Variants in PEX1 observed in about 807,000 individuals in gnomAD.
The protein encoded by PEX1 is peroxisomal biogenesis factor 1, also known as peroxisomal ATPase PEX1.
A neutral mutation model predicts 152.5 loss-of-function variants in PEX1; 97 were observed. The observed-to-expected ratio is 0.64, with a 90% CI of 0.54 to 0.75. The LOEUF (loss-of-function observed/expected upper bound fraction) is 0.75, where lower values mean the gene tolerates loss of function less well. PEX1 is among the 30% of genes least tolerant of loss of function. The pLI is 0.00. For synonymous variants in PEX1, 485 were observed against 531.6 expected (o/e 0.91, Z 1.21); for missense variants, 1,357 against 1,516.3 (o/e 0.89, Z 1.74).
chr7:92,516,287 C>T (rs993794428), intron 5 of PEX1, among the ~76,000 whole-genome samples: 4 of 149,678 alleles, frequency 2.7e-5, no homozygotes, highest in Admixed American at 6.7e-5. Context: ...ATTAGCCAGG[C>T]GTGGTGGTGC....
At chr7:92,506,517 A>T in intron 10 of PEX1, 173 bp from the exon 11 acceptor site, 1 of 607,456 alleles carries the variant, frequency 1.6e-6, no homozygotes, top group South Asian at 1.9e-5. Context: ...ATTTACACGG[A>T]TAGCAAAACC....
At chr7:92,521,983 T>C (rs939910441) in intron 2 of PEX1, 119 bp downstream of exon 2, 7 of 951,152 alleles carry the variant, frequency 7.4e-6, no homozygotes, top group Admixed American at 7.1e-5. Context: ...AGTTACATAA[T>C]AGCATACAAA....
At chr7:92,527,634 C>G (rs1216089916) in intron 1 of PEX1, among the ~76,000 whole-genome samples, 3 of 152,210 alleles carry the variant, frequency 2.0e-5, no homozygotes, top group Non-Finnish European at 4.4e-5. Context: ...TAAGTACACT[C>G]AAACTCGTGA....
chr7:92,509,808 A>G (rs1338760912), intron 8 of PEX1, among the ~76,000 whole-genome samples: 2 of 152,190 alleles, frequency 1.3e-5, no homozygotes, highest in African/African-American at 4.8e-5. Flanking sequence ...CTTCAATTTT[A>G]TGACAAGAAT....
In PEX1 at chr7:92,517,700, G is replaced by A; in HGVS notation, c.815C>T (p.Ala272Val). Residue 272 changes from alanine (A) to valine (V), a missense_variant, in exon 5 of 24, where the codon GCA (alanine) becomes GTA (valine). Coordinates refer to ENST00000248633, the MANE Select transcript of PEX1 (RefSeq NM_000466.3). ...AACCTTTGACTGCATATTTTTGAATGCATTGATTTCAGTTAAACCCCAAGA... is the reference window on the plus strand; with the variant it reads ...AACCTTTGACTGCATATTTTTGAATACATTGATTTCAGTTAAACCCCAAGA... ...ETSWGLTEIN[A>V]FKNMQSKVVP... is the part of the protein sequence containing the mutation. 3 of 1,613,334 alleles carry A rather than the reference G, an allele frequency of 1.9e-6. No individual in the cohort carries two copies. Among genetic ancestry groups the A allele is most frequent in the East Asian group, 2.2e-5 (1 of 44,864 alleles).
intron 15 of PEX1, among the ~76,000 whole-genome samples, chr7:92,501,221 G>A (rs1273454369): frequency 6.6e-6 from 1 of 152,176 alleles, no homozygotes; most frequent in Non-Finnish European, 1.5e-5. Context: ...CTACTGGGGA[G>A]GCTGAGGCAG....
chr7:92,521,784 T>G (rs1003897616), intron 2 of PEX1, among the ~76,000 whole-genome samples: 102 of 152,310 alleles, frequency 6.7e-4, no homozygotes, highest in African/African-American at 2.3e-3. Flanking sequence ...TTATAAAATA[T>G]GTCAGAAATA....
Position 92,503,140 on chromosome 7 carries a change from A to G in PEX1, c.2127T>C (p.Ile709=). 1 of 1,613,864 alleles carries G rather than the reference A, an allele frequency of 6.2e-7. No individual in the cohort carries two copies. Among genetic ancestry groups the G allele is most frequent in the Non-Finnish European group, 8.5e-7 (1 of 1,179,814 alleles). ...FISMGSLVAL[I]ATSQSQQSLH... is the part of the protein sequence containing the mutation. The stretch of plus-strand genomic sequence containing the variant: ...GAGATTGCTGAGACTGACTTGTGGC[A>G]ATCAGTGCAACCAAACTTCCCATGG... The change falls in exon 13 of 24, where the codon ATT becomes ATC. Residue 709 remains isoleucine (I), a synonymous_variant. Transcript: ENST00000248633.
intron 16 of PEX1, among the ~76,000 whole-genome samples, chr7:92,497,584 C>T (rs796443062): frequency 3.4e-4 from 51 of 151,952 alleles, no homozygotes; most frequent in African/African-American, 1.2e-3. Flanking sequence ...TTAAAAAAAA[C>T]CTGAATAGGT....
At chr7:92,504,945 G>A in intron 11 of PEX1, 43 bp from the exon 12 acceptor site, 1 of 1,455,552 alleles carries the variant, frequency 6.9e-7, no homozygotes, top group Non-Finnish European at 9.7e-7. Context: ...TCATTTCAGT[G>A]CTGGGAAAAT....
chr7:92,518,303 T>A, intron 3 of PEX1, 48 bp from the exon 4 acceptor site: 1 of 1,153,000 alleles, frequency 8.7e-7, no homozygotes, highest in South Asian at 1.3e-5. Context: ...TTTTGTCCAC[T>A]CCATATCTAG....
At chr7:92,491,028 C>CAAAGA (rs1791278354) in intron 21 of PEX1, among the ~76,000 whole-genome samples, 3 of 152,188 alleles carry the variant, frequency 2.0e-5, no homozygotes, top group Admixed American at 1.3e-4. Context: ...AGAGAAACCT[C>CAAAGA]AAAGAAACCA....
At chr7:92,497,194 G>C (rs1447295717) in intron 16 of PEX1, among the ~76,000 whole-genome samples, 1 of 152,100 alleles carries the variant, frequency 6.6e-6, no homozygotes, top group Non-Finnish European at 1.5e-5. Flanking sequence ...CTTTCCACTA[G>C]TAGAATGTAA....
chr7:92,528,337 C>T lies in PEX1; in HGVS notation c.99G>A (p.Arg33=). ...GCAGATGCAGCTGGGCCACGAGACG[C>T]CGCGGCAGGTGGAGGAAGCAGTCGC... is the stretch of plus-strand genomic sequence containing the variant. The part of the protein sequence containing the change: ...NARDCFLHLP[R]RLVAQLHLLQ... The change falls in exon 1 of 24, where the codon CGG becomes CGA. Residue 33 remains arginine, a synonymous_variant. Transcript: ENST00000248633. 1.3e-6 allele frequency: 2 copies of T among 1,569,044 alleles called. No individual in the cohort carries two copies. Among genetic ancestry groups the T allele is most frequent in the Non-Finnish European group, 1.7e-6 (2 of 1,159,178 alleles).
At position 92,517,537 on chromosome 7, in the gene PEX1, G is replaced by A. The variant is rs1792851121; in HGVS notation, c.978C>T (p.Pro326=). ...GCTTTCCATATGTCACAGTAAAGCT[G>A]GGCTCTACATCAAAATATTCCTGGT... ...PWDQEYFDVE[P]SFTVTYGKLV... The change falls in exon 5 of 24, where the codon CCC becomes CCT. Residue 326 remains proline (P), a synonymous_variant. Transcript: ENST00000248633. 4 of 1,613,932 alleles carry A rather than the reference G, an allele frequency of 2.5e-6. No homozygotes were observed. Among genetic ancestry groups the A allele is most frequent in the Non-Finnish European group, 3.4e-6 (4 of 1,179,998 alleles).
At chr7:92,512,690 A>G (rs1367584333) in intron 6 of PEX1, among the ~76,000 whole-genome samples, 1 of 152,066 alleles carries the variant, frequency 6.6e-6, no homozygotes, top group African/African-American at 2.4e-5. Flanking sequence ...GGGTTTCACC[A>G]TGTTGGCCAG....
intron 19 of PEX1, 66 bp downstream of exon 19, chr7:92,494,227 A>G: frequency 8.4e-7 from 1 of 1,188,068 alleles, no homozygotes; most frequent in Admixed American, 1.8e-5. Context: ...ACCTGGCAGA[A>G]GTAAAGCTCA....
At chr7:92,524,747 C>A (rs1040634284) in intron 1 of PEX1, among the ~76,000 whole-genome samples, 2 of 152,178 alleles carry the variant, frequency 1.3e-5, no homozygotes, top group African/African-American at 2.4e-5. Flanking sequence ...TTCTGGCTGA[C>A]AAATTCTTTC....
chr7:92,517,451 G>A lies in PEX1; in HGVS notation c.1064C>T (p.Pro355Leu). The change falls in exon 5 of 24, where the codon CCT becomes CTT. Residue 355 changes from proline to leucine, a missense_variant. By Grantham distance (98) the Pro-to-Leu change is moderately conservative. Coordinates refer to ENST00000248633, the MANE Select transcript of PEX1 (RefSeq NM_000466.3). The part of the protein sequence containing the change: ...QSKTKQNVLS[P>L]EKEKQMSEPL... ...CTCTGACATCTGCTTCTCTTTTTCAGGTGATAACACATTTTGTTTTGTTTT... is the reference window on the plus strand; with the variant it reads ...CTCTGACATCTGCTTCTCTTTTTCAAGTGATAACACATTTTGTTTTGTTTT... The A allele has an allele frequency of 6.2e-7, 1 of 1,613,566 alleles. No homozygotes were observed. The highest frequency in any genetic ancestry group is 8.5e-7 in the Non-Finnish European group (1 of 1,179,954).
Sources: gnomAD v4.1 joint callset for allele counts (sites outside exome capture counted in the v4.1 genomes callset) on GRCh38, gnomAD v4.1.1 for gene constraint, MANE v1.5 for transcripts, NCBI Gene and HGNC (gene_info 2026-07-23, HGNC 2026-07-21) for gene names.